The following SIDT1 variants were observed in gnomAD, a reference collection of about 807,000 sequenced individuals.
SIDT1 encodes SID1 transmembrane family member 1.
Under a neutral mutation model 107.5 loss-of-function variants are expected in SIDT1, and 101 were observed. The ratio of observed to expected loss-of-function variants is 0.94; its 90% confidence interval spans 0.80 to 1.11. The LOEUF (loss-of-function observed/expected upper bound fraction) is 1.11. Among genes scored for constraint, SIDT1 ranks in the 50% least tolerant of loss-of-function variants. The probability of loss-of-function intolerance (pLI) is 0.00; values close to 1 mark genes in which losing one functional copy is unlikely to be tolerated. For synonymous variants in SIDT1, 395 were observed against 398.2 expected (o/e 0.99, Z 0.10); for missense variants, 1,076 against 1,058.2 (o/e 1.02, Z -0.23).
At chr3:113,615,758 C>A (rs956760957) in intron 19 of SIDT1, among the ~76,000 whole-genome samples, 3 of 152,180 alleles carry the variant, frequency 2.0e-5, no homozygotes, top group Admixed American at 2.0e-4. Context: ...AACATCTCTA[C>A]TATAAAGAAA....
intron 3 of SIDT1, among the ~76,000 whole-genome samples, chr3:113,576,469 G>A (rs1942908478): frequency 6.6e-6 from 1 of 152,024 alleles, no homozygotes; most frequent in Non-Finnish European, 1.5e-5. Context: ...TTGGTAAAAG[G>A]TGACCCATTT....
intron 19 of SIDT1, among the ~76,000 whole-genome samples, chr3:113,614,142 T>G (rs1423310833): frequency 6.6e-6 from 1 of 152,142 alleles, no homozygotes; most frequent in African/African-American, 2.4e-5. Flanking sequence ...ACAGTGACCT[T>G]TCATGGACGT....
In SIDT1 at chr3:113,576,913, G is replaced by A. The variant is rs763800882; in HGVS notation, c.516-9G>A. On this transcript the variant is annotated splice_polypyrimidine_tract_variant and intron_variant, in intron 3 of 24. Transcript: ENST00000264852. ...TTCCCCTTTCCCTTCTGCCACTTAC[G>A]TTTCTCAGGACAAATGTTGCCTTTC... 2.7e-5 allele frequency: 44 copies of A among 1,613,682 alleles called. No individual in the cohort carries two copies. The highest frequency in any genetic ancestry group is 5.5e-5 in the South Asian group (5 of 91,072).
chr3:113,537,335 C>T (rs1938291886), intron 1 of SIDT1, among the ~76,000 whole-genome samples: 2 of 152,246 alleles, frequency 1.3e-5, no homozygotes, highest in South Asian at 2.1e-4. Context: ...CCAGTTAAAC[C>T]AGTCTCTTGG....
chr3:113,603,998 G>C lies in SIDT1; in HGVS notation c.1302G>C (p.Arg434=). 3 of 1,611,180 alleles carry C rather than the reference G, an allele frequency of 1.9e-6. No homozygotes were observed. The highest frequency in any genetic ancestry group is 2.2e-5 in the South Asian group (2 of 90,502). Residue 434 remains arginine, a synonymous_variant, in exon 13 of 25, where the codon CGG becomes CGC. Transcript: ENST00000264852. Reference sequence around the variant, plus strand: ...TGTCAGATTTGTCCAGGAAGGACCGGAGAATTGTCAGCAAAAAATATAAAA... The same window carrying C: ...TGTCAGATTTGTCCAGGAAGGACCGCAGAATTGTCAGCAAAAAATATAAAA... ...LYLSDLSRKD[R]RIVSKKYKIY... is the part of the protein sequence containing the mutation.
intron 21 of SIDT1, 93 bp from the exon 22 acceptor site, chr3:113,623,334 G>GC (rs1414597119): frequency 7.5e-6 from 5 of 669,532 alleles, no homozygotes; most frequent in South Asian, 1.9e-5. Context: ...AAAAGAACCT[G>GC]CCCCTTCCCC....
chr3:113,569,185 C>T (rs1198150684), intron 3 of SIDT1, among the ~76,000 whole-genome samples: 1 of 146,992 alleles, frequency 6.8e-6, no homozygotes, highest in African/African-American at 2.5e-5. Context: ...GAAATGTATG[C>T]TATTTTATTC....
chr3:113,619,996 G>A, intron 21 of SIDT1: 1 of 303,040 alleles, frequency 3.3e-6, no homozygotes, highest in South Asian at 4.8e-5. Context: ...AGAAAGATGG[G>A]ATGGACAGAT....
At chr3:113,610,316 A>G (rs1945642912) in intron 17 of SIDT1, among the ~76,000 whole-genome samples, 1 of 152,208 alleles carries the variant, frequency 6.6e-6, no homozygotes. Flanking sequence ...CCAAAAACTG[A>G]CAAATTTCTC....
chr3:113,630,899 C>T (rs191301924), downstream of SIDT1, among the ~76,000 whole-genome samples: 7 of 152,262 alleles, frequency 4.6e-5, no homozygotes, highest in Non-Finnish European at 4.4e-5. Context: ...TCCAGGGGCT[C>T]TTCATTGAAA....
At chr3:113,584,163 A>AT (rs1943569859) in intron 7 of SIDT1, among the ~76,000 whole-genome samples, 2 of 152,224 alleles carry the variant, frequency 1.3e-5, no homozygotes, top group Non-Finnish European at 2.9e-5. Context: ...TGAGTGTAAC[A>AT]TCATTTCCTT....
chr3:113,625,846 T>A (rs1254529943), intron 23 of SIDT1: 8 of 411,902 alleles, frequency 1.9e-5, no homozygotes, highest in Admixed American at 4.2e-5. Context: ...GTGGGTTGTC[T>A]CTTCACTTTG....
intron 3 of SIDT1, among the ~76,000 whole-genome samples, chr3:113,571,672 G>A (rs62265519): frequency 0.32 from 49,340 of 152,086 alleles, 8,904 homozygotes; most frequent in East Asian, 0.68. Context: ...AAATTTAAAC[G>A]TCTGTAATCC....
At chr3:113,601,202 C>G (rs1477012094) in intron 10 of SIDT1, among the ~76,000 whole-genome samples, 1 of 152,174 alleles carries the variant, frequency 6.6e-6, no homozygotes, top group Admixed American at 6.5e-5. Flanking sequence ...TTAAAACATG[C>G]TAAAAACCTA....
At chr3:113,566,370 A>C in intron 1 of SIDT1, 50 bp from the exon 2 acceptor site, 1 of 1,561,450 alleles carries the variant, frequency 6.4e-7, no homozygotes, top group Non-Finnish European at 8.8e-7. Flanking sequence ...GTGTGTTTGC[A>C]TGTGTGCATG....
Position 113,580,681 on chromosome 3 carries a change from G to GTTC in SIDT1, c.637_639dup (p.Ser213dup), listed in dbSNP as rs1560068161. ...GTGGTGTCTGAAATGGCTTATCCAT[G>GTTC]TTCTGTTGTCTCAGTCCAGAATATC... On this transcript the variant is annotated inframe_insertion, in exon 5 of 25. Coordinates refer to ENST00000264852, the MANE Select transcript of SIDT1 (RefSeq NM_017699.3). The GTTC allele has an allele frequency of 6.2e-7, 1 of 1,612,858 alleles. No individual in the cohort carries two copies. The highest frequency in any genetic ancestry group is 1.1e-5 in the South Asian group (1 of 91,032).
intron 7 of SIDT1, 129 bp downstream of exon 7, chr3:113,583,625 T>C (rs1943529257): frequency 1.8e-6 from 1 of 549,298 alleles, no homozygotes; most frequent in African/African-American, 1.8e-5. Flanking sequence ...GGGAAAGGCA[T>C]CTGAGAGATA....
chr3:113,559,583 A>T (rs971022702), intron 1 of SIDT1, among the ~76,000 whole-genome samples: 40 of 152,262 alleles, frequency 2.6e-4, no homozygotes, highest in Non-Finnish European at 5.1e-4. Context: ...CTGGGACTAC[A>T]GGAGCACGCC....
At chr3:113,579,874 A>G (rs1943195908) in intron 4 of SIDT1, among the ~76,000 whole-genome samples, 1 of 152,234 alleles carries the variant, frequency 6.6e-6, no homozygotes, top group Admixed American at 6.5e-5. Context: ...GGACAAGTTT[A>G]CAACTTAGAG....
Sources: gnomAD v4.1 joint callset for allele counts (sites outside exome capture counted in the v4.1 genomes callset) on GRCh38, gnomAD v4.1.1 for gene constraint, MANE v1.5 for transcripts, NCBI Gene and HGNC (gene_info 2026-07-23, HGNC 2026-07-21) for gene names.